KICS2: variants seen among roughly 807,000 people sequenced by gnomAD.
The protein encoded by KICS2 is KICSTOR complex protein C12orf66.
KICS2 carries 13 observed loss-of-function variants against 31.4 expected under a neutral mutation model. The ratio of observed to expected loss-of-function variants is 0.41; its 90% CI spans 0.27 to 0.66. KICS2 has a LOEUF of 0.66. KICS2 is among the 30% of genes least tolerant of loss of function. KICS2 has a pLI of 0.28. For missense variants in KICS2, 455 were observed against 545.4 expected, an observed-to-expected ratio of 0.83 and a Z score of 1.65; for synonymous variants, 209 against 214.8, an observed-to-expected ratio of 0.97 and a Z score of 0.24.
At chr12:64,209,527 G>C (rs957311742) in intron 2 of KICS2, among the ~76,000 whole-genome samples, 1 of 152,146 alleles carries the variant, frequency 6.6e-6, no homozygotes, top group Non-Finnish European at 1.5e-5. Context: ...GGAGGTTGCA[G>C]TGAGCCGAGA....
chr12:64,213,186 T>C (rs1256041881), intron 2 of KICS2, among the ~76,000 whole-genome samples: 3 of 152,150 alleles, frequency 2.0e-5, no homozygotes, highest in Non-Finnish European at 4.4e-5. Context: ...TGTATGTATG[T>C]GGTTGTAGGT....
chr12:64,211,897 A>T (rs1371160987), intron 2 of KICS2, among the ~76,000 whole-genome samples: 1 of 152,240 alleles, frequency 6.6e-6, no homozygotes, highest in Non-Finnish European at 1.5e-5. Flanking sequence ...GCAGAAAATC[A>T]GTGTTAGATT....
intron 2 of KICS2, among the ~76,000 whole-genome samples, chr12:64,212,474 A>G (rs2037590894): frequency 1.3e-5 from 2 of 152,166 alleles, no homozygotes. Flanking sequence ...TAATGTTCTC[A>G]AGGTTCATCC....
At chr12:64,190,074 G>A (rs2037367659), downstream of KICS2, among the ~76,000 whole-genome samples, 1 of 152,200 alleles carries the variant, frequency 6.6e-6, no homozygotes, top group Admixed American at 6.5e-5. Context: ...GGAAGAGTGG[G>A]TAGGTTGGTT....
chr12:64,194,677 T>C lies in KICS2; in HGVS notation c.522-19A>G. On this transcript the variant is annotated intron_variant, in intron 2 of 2. Transcript: ENST00000398055. Reference sequence around the variant, plus strand: ...GTGAAATCTAAAGGGGAGAGGGAAATAGAGATAAGTGGAAATGTTACTTCA... The same window carrying C: ...GTGAAATCTAAAGGGGAGAGGGAAACAGAGATAAGTGGAAATGTTACTTCA... 5 of 1,580,858 alleles carry C rather than the reference T, an allele frequency of 3.2e-6. No individual in the cohort carries two copies. The highest frequency in any genetic ancestry group is 4.3e-6 in the Non-Finnish European group (5 of 1,162,408).
At chr12:64,197,109 G>A (rs1286971791) in intron 2 of KICS2, among the ~76,000 whole-genome samples, 80 of 85,700 alleles carry the variant, frequency 9.3e-4, no homozygotes, top group Middle Eastern at 0.011. Flanking sequence ...ACGCCACAAA[G>A]ATACTCCTCG....
chr12:64,196,070 G>T (rs1486628485), intron 2 of KICS2, among the ~76,000 whole-genome samples: 3 of 151,782 alleles, frequency 2.0e-5, no homozygotes, highest in African/African-American at 2.4e-5. Flanking sequence ...ACAAAGCAGC[G>T]GGCAGCTCCA....
intron 2 of KICS2, among the ~76,000 whole-genome samples, chr12:64,206,700 G>T (rs2037541680): frequency 6.6e-6 from 1 of 152,116 alleles, no homozygotes; most frequent in Non-Finnish European, 1.5e-5. Context: ...ATGGAATATT[G>T]TTCAGCCTTA....
chr12:64,203,220 C>G (rs2037506873), intron 2 of KICS2, among the ~76,000 whole-genome samples: 1 of 152,192 alleles, frequency 6.6e-6, no homozygotes, highest in Admixed American at 6.5e-5. Flanking sequence ...AGATATGAAT[C>G]CAAGTCTCTG....
intron 2 of KICS2, among the ~76,000 whole-genome samples, chr12:64,196,364 T>A (rs532639186): frequency 7.9e-5 from 12 of 151,130 alleles, no homozygotes; most frequent in Non-Finnish European, 1.6e-4. Context: ...CGGCAGGGTA[T>A]TCCAACAGAC....
At chr12:64,187,513 G>A (rs555342973), downstream of KICS2, 391 of 885,760 alleles carry the variant, frequency 4.4e-4, 4 homozygotes, top group South Asian at 3.3e-3. Context: ...GAAACCTTAC[G>A]GATTTACACC....
At chr12:64,203,533 G>A (rs1045476346) in intron 2 of KICS2, among the ~76,000 whole-genome samples, 1 of 152,158 alleles carries the variant, frequency 6.6e-6, no homozygotes, top group African/African-American at 2.4e-5. Flanking sequence ...ATATGTTCCA[G>A]GCACTATGGT....
rs2037380556 is a variant in KICS2 at position 64,191,803 on chromosome 12, A to G, written c.*2039T>C. The G allele has an allele frequency of 6.6e-6, 1 of 152,166 alleles. No individual in the cohort carries two copies. The highest frequency in any genetic ancestry group is 2.4e-5 in the African/African-American group (1 of 41,464). 9.4% of individuals were successfully genotyped at this position (152,166 alleles called of 1,614,324 possible). ...AAGAAAAAGAAAGGAGGCCAGGTGC[A>G]GTGGCACATGCTTATAAACCCAGTG... On this transcript the variant is annotated 3_prime_UTR_variant, in exon 3 of 3. Coordinates refer to ENST00000398055, the MANE Select transcript of KICS2 (RefSeq NM_152440.5).
In KICS2 at chr12:64,205,753, G is replaced by A. The variant is rs1209781264; in HGVS notation, c.521+9925C>T. 1.5e-5 allele frequency among the ~76,000 whole-genome samples: 2 copies of A among 132,380 alleles called. 1 individual carries two copies. The highest frequency in any genetic ancestry group is 5.6e-5 in the African/African-American group (2 of 35,722). 86.8% of individuals were successfully genotyped at this position (132,380 alleles called of 152,430 possible). On this transcript the variant is annotated intron_variant, in intron 2 of 2. Coordinates refer to ENST00000398055, the MANE Select transcript of KICS2 (RefSeq NM_152440.5). ...GGAAAAAGGGAAGGAAGGGAGGGAG[G>A]GAAAAGGGAAGGAAGGAAAAAGGGA...
At chr12:64,203,815 A>T (rs1188387118) in intron 2 of KICS2, among the ~76,000 whole-genome samples, 1 of 152,222 alleles carries the variant, frequency 6.6e-6, no homozygotes, top group Non-Finnish European at 1.5e-5. Flanking sequence ...TCATGTGAAA[A>T]ACACACATTG....
rs1190059922 is a variant in KICS2 at position 64,193,301 on chromosome 12, T to G, written c.*541A>C. On this transcript the variant is annotated 3_prime_UTR_variant, in exon 3 of 3. Transcript: ENST00000398055. ...TTCAGTTTCAATAACTGATAGAAAT[T>G]TCTTACCAAGACCCTAATTTTGGCA... The G allele has an allele frequency of 4.1e-6, 4 of 985,828 alleles. No homozygotes were observed. In the African/African-American group the frequency reaches 7.0e-5, roughly 17 times the overall value. 61.1% of individuals were successfully genotyped at this position (985,828 alleles called of 1,614,324 possible).
chr12:64,205,703 GGGAA>G lies in KICS2; in HGVS notation c.521+9971_521+9974del, dbSNP rs1200999024. Among the ~76,000 whole-genome samples, 293 of 117,874 alleles carry G rather than the reference GGGAA, an allele frequency of 2.5e-3. 1 individual carries two copies. The highest frequency in any genetic ancestry group is 0.011 in the Middle Eastern group (2 of 186). 77.3% of individuals were successfully genotyped at this position (117,874 alleles called of 152,430 possible). On this transcript the variant is annotated intron_variant, in intron 2 of 2. Transcript: ENST00000398055. ...GAAGGAAGGAAGAAGGAAGGAAAAA[GGGAA>G]GGAAGGAAGGGAGGGAGGGAGGAAA...
At chr12:64,187,981 T>G (rs2037351988), downstream of KICS2, among the ~76,000 whole-genome samples, 1 of 152,204 alleles carries the variant, frequency 6.6e-6, no homozygotes, top group African/African-American at 2.4e-5. Flanking sequence ...AGGCCTTGTG[T>G]GTTCATGAAG....
Position 64,191,127 on chromosome 12 carries a change from TCA to T in KICS2, c.*2713_*2714del, listed in dbSNP as rs1436461762. On this transcript the variant is annotated 3_prime_UTR_variant, in exon 3 of 3. Coordinates refer to ENST00000398055, the MANE Select transcript of KICS2 (RefSeq NM_152440.5). The stretch of plus-strand genomic sequence containing the variant: ...TAGCAAAACACAGACTTTACAGATC[TCA>T]TTACTATATTTAGAGAATAAATCTT... 1.3e-5 allele frequency: 2 copies of T among 152,238 alleles called. No individual in the cohort carries two copies. The highest frequency in any genetic ancestry group is 2.4e-5 in the African/African-American group (1 of 41,462). The allele number at this position is 152,238 out of a possible 1,614,324, so 9.4% of individuals were successfully genotyped here.
Sources: allele counts gnomAD v4.1 joint callset (sites outside exome capture counted in the v4.1 genomes callset), GRCh38; gene constraint gnomAD v4.1.1; transcripts MANE v1.5; gene names NCBI Gene and HGNC (gene_info 2026-07-23, HGNC 2026-07-21).